Variants in MUC7 observed in about 807,000 individuals in gnomAD.
MUC7 encodes mucin-7.
MUC7 carries 2 observed loss-of-function variants against 2.5 expected under a neutral mutation model. That is an observed-to-expected ratio of 0.81 (90% CI 0.33 to 2.55). The LOEUF (loss-of-function observed/expected upper bound fraction) is 2.55, where lower values mean the gene tolerates loss of function less well. Ranked by LOEUF, MUC7 falls within the 30% of genes most tolerant of loss-of-function variation. MUC7 has a pLI of 0.11. For missense variants in MUC7, 408 were observed against 455.6 expected (o/e 0.90, Z 0.95); for synonymous variants, 133 against 173.4 (o/e 0.77, Z 1.83).
chr4:70,457,551 GA>G (rs1297608802), intron 1 of MUC7, among the ~76,000 whole-genome samples: 6 of 152,014 alleles, frequency 3.9e-5, no homozygotes, highest in African/African-American at 1.4e-4. Flanking sequence ...ATAAAATAGA[GA>G]AAACAAAGAA....
At chr4:70,447,241 A>G (rs116417684) in intron 1 of MUC7, among the ~76,000 whole-genome samples, 211 of 152,306 alleles carry the variant, frequency 1.4e-3, no homozygotes, top group African/African-American at 4.3e-3. Flanking sequence ...CAGCTTTTTC[A>G]TACATAAAAT....
intron 1 of MUC7, among the ~76,000 whole-genome samples, chr4:70,459,220 C>T (rs1215058744): frequency 6.6e-6 from 1 of 152,102 alleles, no homozygotes; most frequent in Non-Finnish European, 1.5e-5. Context: ...GAAAATGTGG[C>T]ACATATACAC....
intron 1 of MUC7, chr4:70,430,782 C>A (rs887343599): frequency 6.6e-6 from 1 of 151,922 alleles, no homozygotes; most frequent in Non-Finnish European, 1.5e-5. Context: ...TGTAAAAATC[C>A]ACTGGTAGAA....
At chr4:70,437,917 G>T (rs1000321562) in intron 1 of MUC7, among the ~76,000 whole-genome samples, 7 of 152,142 alleles carry the variant, frequency 4.6e-5, no homozygotes, top group African/African-American at 1.7e-4. Context: ...GTCCTGGAAA[G>T]GTTCATGAAG....
chr4:70,442,236 C>A (rs989534892), intron 1 of MUC7, among the ~76,000 whole-genome samples: 5 of 152,166 alleles, frequency 3.3e-5, no homozygotes, highest in Admixed American at 1.3e-4. Flanking sequence ...TCAACATACT[C>A]TTTTTGCATT....
At chr4:70,464,606 C>T (rs1402993971) in intron 1 of MUC7, among the ~76,000 whole-genome samples, 1 of 152,098 alleles carries the variant, frequency 6.6e-6, no homozygotes, top group Non-Finnish European at 1.5e-5. Flanking sequence ...GTGGTTTTCC[C>T]CTCACAGTGT....
Position 70,481,586 on chromosome 4 carries a change from C to G in MUC7, c.842C>G (p.Thr281Arg), listed in dbSNP as rs199651778. 141 of 1,612,084 alleles carry G rather than the reference C, an allele frequency of 8.7e-5. No homozygotes were observed. Among genetic ancestry groups the G allele is most frequent in the Non-Finnish European group, 2.5e-5 (29 of 1,179,212 alleles). Residue 281 changes from threonine (T) to arginine (R), a missense_variant, in exon 3 of 3, where the codon ACA becomes AGA. Physicochemically the swap from Thr to Arg is moderately conservative, Grantham distance 71. Transcript: ENST00000304887. ...PSSASAPPET[T>R]AAPPTPSATT... Reference sequence around the variant, plus strand: ...TCCGCCTCAGCTCCACCAGAGACCACAGCTGCCCCACCCACACCTTCTGCA... The same window carrying G: ...TCCGCCTCAGCTCCACCAGAGACCAGAGCTGCCCCACCCACACCTTCTGCA...
rs565626749 is a variant in MUC7 at position 70,466,249 on chromosome 4, C to T, written c.-92-5966C>T. On this transcript the variant is annotated intron_variant, in intron 1 of 3. Coordinates refer to the MUC7 transcript ENST00000413702. ...CCACCAGGCCTGCCCTATAAGAGCT[C>T]CTGAAGGAAGCACTAAACATGGAAA... 1.1e-4 allele frequency among the ~76,000 whole-genome samples: 17 copies of T among 152,198 alleles called. No homozygotes were observed. In the South Asian group the frequency reaches 2.9e-3, roughly 26 times the overall value.
intron 1 of MUC7, among the ~76,000 whole-genome samples, chr4:70,439,789 C>T (rs188902485): frequency 8.2e-4 from 124 of 152,128 alleles, no homozygotes; most frequent in African/African-American, 2.6e-3. Context: ...TTGTTAATCA[C>T]ACATGCTAAT....
chr4:70,438,429 A>AGTTTTGTATT (rs1553917923), intron 1 of MUC7, among the ~76,000 whole-genome samples: 9 of 124,720 alleles, frequency 7.2e-5, no homozygotes, highest in South Asian at 2.4e-4. Flanking sequence ...CAGGAAATGA[A>AGTTTTGTATT]GTTTTGTTTT....
intron 1 of MUC7, among the ~76,000 whole-genome samples, chr4:70,431,788 T>C (rs1009767790): frequency 6.6e-6 from 1 of 152,150 alleles, no homozygotes; most frequent in Non-Finnish European, 1.5e-5. Flanking sequence ...AGGGTACATG[T>C]GCACAACGCG....
chr4:70,474,213 A>C (rs41376153), intron 2 of MUC7, 138 bp downstream of exon 2: 12 of 676,746 alleles, frequency 1.8e-5, no homozygotes, highest in Non-Finnish European at 2.5e-5. Context: ...GGAAACCTAT[A>C]AATATGGACA....
chr4:70,463,879 C>T (rs1335377644), intron 1 of MUC7, among the ~76,000 whole-genome samples: 1 of 152,184 alleles, frequency 6.6e-6, no homozygotes, highest in Non-Finnish European at 1.5e-5. Context: ...AACTCCATAA[C>T]TGAGATGACT....
upstream of MUC7, among the ~76,000 whole-genome samples, chr4:70,470,185 C>T (rs905731735): frequency 2.6e-5 from 4 of 152,172 alleles, no homozygotes; most frequent in African/African-American, 9.7e-5. Flanking sequence ...CATGTTCTCA[C>T]TCACAAGTGG....
chr4:70,467,858 T>C (rs1734719828), upstream of MUC7, among the ~76,000 whole-genome samples: 1 of 152,202 alleles, frequency 6.6e-6, no homozygotes, highest in Non-Finnish European at 1.5e-5. Flanking sequence ...CCATTCCTTC[T>C]GAAACTATTC....
chr4:70,430,503 G>A (rs1479569210), exon 1 of MUC7: 2 of 152,070 alleles, frequency 1.3e-5, no homozygotes, highest in African/African-American at 2.4e-5. Flanking sequence ...CTCAATTACA[G>A]TATTTCCTAT....
In MUC7 at chr4:70,481,309, A is replaced by G. The variant is rs1349832018; in HGVS notation, c.565A>G (p.Thr189Ala). 2.5e-6 allele frequency: 4 copies of G among 1,612,244 alleles called. No individual in the cohort carries two copies. In the South Asian group the frequency reaches 3.3e-5, roughly 13 times the overall value. The change falls in exon 3 of 3, where the codon ACA becomes GCA. Residue 189 changes from threonine (T) to alanine (A), a missense_variant. Around this residue, in one of 3 missense-constraint regions of MUC7, gnomAD observed 225 missense variants for 240.5 expected, o/e 0.94. Transcript: ENST00000304887. ...ATCTTCCTCAGCTCCACCAGAGACC[A>G]CAGCTGCCCCACCCACACCTTCTGC... ...PPSSSAPPET[T>A]AAPPTPSATT... is the part of the protein sequence containing the mutation.
At chr4:70,432,329 T>C (rs1003344295) in intron 1 of MUC7, among the ~76,000 whole-genome samples, 2 of 152,242 alleles carry the variant, frequency 1.3e-5, no homozygotes, top group Admixed American at 1.3e-4. Flanking sequence ...CCACACTGTC[T>C]TCTATAATGG....
chr4:70,471,984 A>G (rs987338623), upstream of MUC7: 1 of 152,192 alleles, frequency 6.6e-6, no homozygotes, highest in African/African-American at 2.4e-5. Context: ...TCAAGCACAT[A>G]AGTTACTCAT....
Sources: allele counts gnomAD v4.1 joint callset (sites outside exome capture counted in the v4.1 genomes callset), GRCh38; gene constraint gnomAD v4.1.1; regional missense constraint gnomAD v4.1.1; transcripts MANE v1.5; gene names NCBI Gene and HGNC (gene_info 2026-07-23, HGNC 2026-07-21).